OXR1: variants seen among roughly 807,000 people sequenced by gnomAD.
OXR1 encodes oxidation resistance 1.
In OXR1, 41 loss-of-function variants were observed where a neutral mutation model predicts 104.6. That is an observed-to-expected ratio of 0.39 (90% confidence interval 0.31 to 0.51). OXR1 has a LOEUF of 0.51. Among genes scored for constraint, OXR1 ranks in the 20% least tolerant of loss-of-function variants. OXR1 has a pLI of 0.77. For synonymous variants in OXR1, 348 were observed against 348.4 expected (o/e 1.00, Z 0.01); for missense variants, 955 against 1,031.9 (o/e 0.93, Z 1.02).
intron 8 of OXR1, among the ~76,000 whole-genome samples, chr8:106,705,253 A>G (rs1170113515): frequency 1.3e-5 from 2 of 152,196 alleles, no homozygotes; most frequent in East Asian, 3.8e-4. Context: ...CATCACCAGT[A>G]GATGACACTA....
At chr8:106,365,907 T>A (rs1816450524) in intron 2 of OXR1, among the ~76,000 whole-genome samples, 1 of 152,170 alleles carries the variant, frequency 6.6e-6, no homozygotes, top group African/African-American at 2.4e-5. Context: ...CTTGGTAAGT[T>A]TTGGTCTAGA....
At chr8:106,523,933 C>T (rs902057525) in intron 3 of OXR1, among the ~76,000 whole-genome samples, 6 of 152,138 alleles carry the variant, frequency 3.9e-5, no homozygotes, top group East Asian at 1.9e-4. Flanking sequence ...CACCACCATG[C>T]CTGGCTAAGT....
chr8:106,581,839 C>T (rs1818243911), intron 3 of OXR1, among the ~76,000 whole-genome samples: 2 of 151,888 alleles, frequency 1.3e-5, no homozygotes, highest in South Asian at 4.2e-4. Context: ...GCCTGACCAA[C>T]ATGGAGAAAC....
chr8:106,520,869 A>C (rs1813205811), intron 3 of OXR1, among the ~76,000 whole-genome samples: 1 of 152,222 alleles, frequency 6.6e-6, no homozygotes, highest in African/African-American at 2.4e-5. Flanking sequence ...AAATTAGAAA[A>C]AAAGGGAGAG....
At chr8:106,473,997 T>C (rs982747483) in intron 2 of OXR1, among the ~76,000 whole-genome samples, 3 of 138,878 alleles carry the variant, frequency 2.2e-5, no homozygotes, top group Non-Finnish European at 4.6e-5. Context: ...ATATAATATA[T>C]GTATTGTATA....
chr8:106,735,787 C>G (rs1453985105), intron 11 of OXR1, among the ~76,000 whole-genome samples: 2 of 151,860 alleles, frequency 1.3e-5, no homozygotes, highest in African/African-American at 4.8e-5. Context: ...TATTGAAATC[C>G]TATTGTTCTT....
chr8:106,403,671 C>T (rs143820420), intron 2 of OXR1, among the ~76,000 whole-genome samples: 1 of 152,228 alleles, frequency 6.6e-6, no homozygotes, highest in East Asian at 1.9e-4. Context: ...GCATTTCCAA[C>T]TTGTTCACTG....
rs1329360355 is a variant in OXR1 at position 106,402,622 on chromosome 8, C to T, written c.23+42986C>T. On this transcript the variant is annotated intron_variant, in intron 2 of 16. Coordinates refer to ENST00000517566, the MANE Select transcript of OXR1 (RefSeq NM_001198533.2). ...CCTGAAATTAATGTTAGCTCAAAACCAGTGTCCAGTATTTCTCCAAAGGTC... is the reference window on the plus strand; with the variant it reads ...CCTGAAATTAATGTTAGCTCAAAACTAGTGTCCAGTATTTCTCCAAAGGTC... Among the ~76,000 whole-genome samples, 4 of 152,142 alleles carry T rather than the reference C, an allele frequency of 2.6e-5. No individual in the cohort carries two copies. In the East Asian group the frequency reaches 7.7e-4, roughly 29 times the overall value.
chr8:106,408,835 G>T (rs916555150), intron 2 of OXR1, among the ~76,000 whole-genome samples: 3 of 152,268 alleles, frequency 2.0e-5, no homozygotes, highest in African/African-American at 7.2e-5. Context: ...GCAGCAAGAA[G>T]CTGGAGCTGC....
chr8:106,750,994 G>A lies in OXR1; in HGVS notation c.*53G>A, dbSNP rs984515064. 2.5e-5 allele frequency: 36 copies of A among 1,430,212 alleles called. No homozygotes were observed. Among genetic ancestry groups the A allele is most frequent in the Non-Finnish European group, 3.2e-5 (34 of 1,053,072 alleles). 88.6% of individuals were successfully genotyped at this position (1,430,212 alleles called of 1,614,324 possible). On this transcript the variant is annotated 3_prime_UTR_variant, in exon 17 of 17. Coordinates refer to ENST00000517566, the MANE Select transcript of OXR1 (RefSeq NM_001198533.2). ...AATGGCCCAAACCTGACATGGACAA[G>A]CATTGTTTGGAAAGTTCAAGAAGCA...
chr8:106,486,571 T>G (rs1285882774), intron 2 of OXR1, among the ~76,000 whole-genome samples: 2 of 152,136 alleles, frequency 1.3e-5, no homozygotes, highest in East Asian at 1.9e-4. Flanking sequence ...TAACAATTCC[T>G]TTGTCTTTTT....
intron 4 of OXR1, among the ~76,000 whole-genome samples, chr8:106,682,873 T>A (rs776389117): frequency 2.4e-4 from 37 of 152,342 alleles, no homozygotes; most frequent in Middle Eastern, 6.8e-3. Context: ...TAGAAACTAT[T>A]CAAAGGAATA....
At chr8:106,738,504 T>C (rs1192846652) in intron 12 of OXR1, among the ~76,000 whole-genome samples, 1 of 152,066 alleles carries the variant, frequency 6.6e-6, no homozygotes, top group African/African-American at 2.4e-5. Context: ...TTCATTCCCA[T>C]ATAGAATCAC....
chr8:106,383,204 T>C lies in OXR1; in HGVS notation c.23+23568T>C, dbSNP rs1314535965. 1.1e-4 allele frequency among the ~76,000 whole-genome samples: 16 copies of C among 152,298 alleles called. No individual in the cohort carries two copies. The East Asian group carries it at 3.1e-3, about 29-fold the overall frequency. On this transcript the variant is annotated intron_variant, in intron 2 of 16. Transcript: ENST00000517566. ...ATTCTTTGAGTTGCTTGTATAATGA[T>C]GCAAGAACACTGTTAATCAGTATTT...
At position 106,425,082 on chromosome 8, in the gene OXR1, G is replaced by C. The variant is rs1268838629; in HGVS notation, c.23+65446G>C. 9.6e-5 allele frequency among the ~76,000 whole-genome samples: 11 copies of C among 114,940 alleles called. No individual in the cohort carries two copies. The East Asian group carries it at 3.0e-3, about 32-fold the overall frequency. The allele number at this position is 114,940 out of a possible 152,430, so 75.4% of individuals were successfully genotyped here. A position where few individuals can be genotyped will look rare whatever the true frequency, so the allele number is the denominator to read the frequency against. On this transcript the variant is annotated intron_variant, in intron 2 of 16. Coordinates refer to ENST00000517566, the MANE Select transcript of OXR1 (RefSeq NM_001198533.2). Reference sequence around the variant, plus strand: ...TTTAGCAGGGTTTTTTGTTTGGTTTGGTTTTTTTTTTTTTTTTTTTTTTTT... The same window carrying C: ...TTTAGCAGGGTTTTTTGTTTGGTTTCGTTTTTTTTTTTTTTTTTTTTTTTT...
At chr8:106,390,642 A>G (rs772684533) in intron 2 of OXR1, among the ~76,000 whole-genome samples, 10 of 152,196 alleles carry the variant, frequency 6.6e-5, no homozygotes, top group African/African-American at 2.4e-5. Flanking sequence ...TTACGTTACT[A>G]TTCTGCAGAA....
At chr8:106,387,622 A>C (rs1190443814) in intron 2 of OXR1, among the ~76,000 whole-genome samples, 1 of 152,220 alleles carries the variant, frequency 6.6e-6, no homozygotes, top group African/African-American at 2.4e-5. Flanking sequence ...AGAGCTCAAG[A>C]TTACTTTTTC....
At chr8:106,404,143 G>T (rs1406103163) in intron 2 of OXR1, among the ~76,000 whole-genome samples, 1 of 152,120 alleles carries the variant, frequency 6.6e-6, no homozygotes, top group Non-Finnish European at 1.5e-5. Context: ...CAATTCACCT[G>T]GGGGTAGGGA....
chr8:106,492,715 A>G (rs1302345127), intron 2 of OXR1, among the ~76,000 whole-genome samples: 1 of 152,220 alleles, frequency 6.6e-6, no homozygotes, highest in Non-Finnish European at 1.5e-5. Flanking sequence ...TATTTGGGGT[A>G]TAAGAAGCTG....
Sources: gnomAD v4.1 joint callset for allele counts (sites outside exome capture counted in the v4.1 genomes callset) on GRCh38, gnomAD v4.1.1 for gene constraint, MANE v1.5 for transcripts, NCBI Gene and HGNC (gene_info 2026-07-23, HGNC 2026-07-21) for gene names.